ADAMTSL1: variants seen among roughly 807,000 people sequenced by gnomAD.
ADAMTSL1 encodes ADAMTS like 1, also known as ADAMTS-like protein 1.
A neutral mutation model predicts 201.8 loss-of-function variants in ADAMTSL1; 126 were observed. That is an observed-to-expected ratio of 0.62 (90% confidence interval 0.54 to 0.72). The LOEUF (loss-of-function observed/expected upper bound fraction) is 0.72, where lower values mean the gene tolerates loss of function less well. Ranked by LOEUF, ADAMTSL1 falls within the 30% of genes least tolerant of loss-of-function variation. The pLI, the probability that ADAMTSL1 is intolerant of heterozygous loss-of-function variation, is 0.00. For synonymous variants in ADAMTSL1, 1,121 were observed against 903.4 expected, an observed-to-expected ratio of 1.24 and a Z score of -4.32; for missense variants, 2,679 against 2,277.8, an observed-to-expected ratio of 1.18 and a Z score of -3.59.
intron 15 of ADAMTSL1, among the ~76,000 whole-genome samples, chr9:18,737,933 G>C (rs1231899835): frequency 6.6e-6 from 1 of 152,168 alleles, no homozygotes; most frequent in Non-Finnish European, 1.5e-5. Context: ...ACCACTTACT[G>C]TGTCCTTGAG....
intron 7 of ADAMTSL1, among the ~76,000 whole-genome samples, chr9:18,656,650 A>AAAAT (rs71506010): frequency 0.032 from 4,675 of 147,780 alleles, 96 homozygotes; most frequent in Middle Eastern, 0.08. Flanking sequence ...AAAAAAGAAA[A>AAAAT]TGTTAAGACT....
intron 1 of ADAMTSL1, among the ~76,000 whole-genome samples, chr9:18,120,498 C>A (rs1286433275): frequency 6.6e-6 from 1 of 152,154 alleles, no homozygotes; most frequent in Non-Finnish European, 1.5e-5. Flanking sequence ...ATGGAACTTT[C>A]TAAGCAGGGA....
intron 2 of ADAMTSL1, among the ~76,000 whole-genome samples, chr9:18,405,747 G>C (rs1818165320): frequency 6.6e-6 from 1 of 151,910 alleles, no homozygotes; most frequent in African/African-American, 2.4e-5. Context: ...AATATGTTAT[G>C]TTTAGATATA....
intron 2 of ADAMTSL1, among the ~76,000 whole-genome samples, chr9:18,369,387 T>A (rs925809496): frequency 3.3e-5 from 5 of 152,194 alleles, no homozygotes; most frequent in African/African-American, 1.2e-4. Context: ...GTGTTCAATA[T>A]CACTAATCAT....
rs1819757129 is a variant in ADAMTSL1, at chr9:18,756,204, A to T, written c.2217+2696A>T. Among the ~76,000 whole-genome samples, 3 of 131,448 alleles carry T rather than the reference A, an allele frequency of 2.3e-5. No individual in the cohort carries two copies. The Admixed American group carries it at 2.5e-4, about 11-fold the overall frequency. The allele number at this position is 131,448 out of a possible 152,430, so 86.2% of individuals were successfully genotyped here. On this transcript the variant is annotated intron_variant, in intron 16 of 28. Transcript: ENST00000380548. ...TGAAGCAGGAGAATCACTCATACTC[A>T]GGAGGCAGAGGTTGCAGTGAGCCGA...
intron 2 of ADAMTSL1, among the ~76,000 whole-genome samples, chr9:18,462,517 G>T (rs78795104): frequency 6.6e-6 from 1 of 152,134 alleles, no homozygotes; most frequent in Non-Finnish European, 1.5e-5. Flanking sequence ...TATGACCTTT[G>T]ATAAGTTCTG....
At chr9:18,452,005 G>A (rs1482853514) in intron 2 of ADAMTSL1, among the ~76,000 whole-genome samples, 4 of 152,172 alleles carry the variant, frequency 2.6e-5, no homozygotes, top group African/African-American at 9.7e-5. Context: ...CTGCCTCCCA[G>A]GTTCAAGCGA....
chr9:18,370,701 T>C (rs1205788858), intron 2 of ADAMTSL1, among the ~76,000 whole-genome samples: 4 of 152,090 alleles, frequency 2.6e-5, no homozygotes, highest in African/African-American at 9.6e-5. Flanking sequence ...CTTTTTTTTT[T>C]TTTTTTTTAA....
At chr9:18,447,842 T>C (rs943397350) in intron 2 of ADAMTSL1, among the ~76,000 whole-genome samples, 5 of 152,246 alleles carry the variant, frequency 3.3e-5, no homozygotes, top group African/African-American at 1.2e-4. Context: ...GCTCTTTGAA[T>C]GCAGAAGAGC....
chr9:18,352,147 T>C (rs1163189895), intron 2 of ADAMTSL1, among the ~76,000 whole-genome samples: 1 of 152,218 alleles, frequency 6.6e-6, no homozygotes. Flanking sequence ...CTGTAGCTTC[T>C]ATAGTGTTAT....
At chr9:18,091,896 A>G (rs759285275) in intron 1 of ADAMTSL1, among the ~76,000 whole-genome samples, 2 of 152,138 alleles carry the variant, frequency 1.3e-5, no homozygotes, top group Non-Finnish European at 2.9e-5. Context: ...AGTGAACGCT[A>G]GAGAGGCTGC....
At chr9:18,496,947 G>T (rs1321269943) in intron 1 of ADAMTSL1, among the ~76,000 whole-genome samples, 1 of 152,198 alleles carries the variant, frequency 6.6e-6, no homozygotes, top group African/African-American at 2.4e-5. Flanking sequence ...TTCACAAAAA[G>T]AGCAGAGAGA....
chr9:18,291,942 C>T (rs1375783116), intron 2 of ADAMTSL1, among the ~76,000 whole-genome samples: 3 of 152,098 alleles, frequency 2.0e-5, no homozygotes, highest in Non-Finnish European at 2.9e-5. Flanking sequence ...AACATCTCAT[C>T]AGCCATATTT....
chr9:18,389,295 G>T (rs535254910), intron 2 of ADAMTSL1, among the ~76,000 whole-genome samples: 5 of 151,562 alleles, frequency 3.3e-5, no homozygotes, highest in African/African-American at 1.2e-4. Flanking sequence ...ATTATTTCAA[G>T]AACTACTTTC....
chr9:18,436,118 G>C (rs938511519), intron 2 of ADAMTSL1, among the ~76,000 whole-genome samples: 1 of 152,204 alleles, frequency 6.6e-6, no homozygotes, highest in Admixed American at 6.5e-5. Context: ...GCACCCTGGA[G>C]GGTTTGCAGG....
In ADAMTSL1 at chr9:18,888,014, T is replaced by C. The variant is rs1389094632; in HGVS notation, c.4433T>C (p.Leu1478Pro). The change falls in exon 24 of 29, where the codon CTC becomes CCC. Residue 1478 changes from leucine to proline, a missense_variant. By Grantham distance (98) the Leu-to-Pro change is moderately conservative. Coordinates refer to ENST00000380548, the MANE Select transcript of ADAMTSL1 (RefSeq NM_001040272.6). Reference sequence around the variant, plus strand: ...CTTGCTCAGAATGAGGCAGGGGTGCTCATGCAGAAGGCATCTTTAGTGATC... The same window carrying C: ...CTTGCTCAGAATGAGGCAGGGGTGCCCATGCAGAAGGCATCTTTAGTGATC... ...SCLAQNEAGV[L>P]MQKASLVIQD... The C allele has an allele frequency of 6.2e-7, 1 of 1,613,544 alleles. No homozygotes were observed. The highest frequency in any genetic ancestry group is 8.5e-7 in the Non-Finnish European group (1 of 1,179,826).
intron 19 of ADAMTSL1, among the ~76,000 whole-genome samples, chr9:18,780,717 G>A (rs1821345669): frequency 2.0e-5 from 3 of 152,030 alleles, no homozygotes; most frequent in Non-Finnish European, 4.4e-5. Context: ...TAGGATTTGG[G>A]TTTTTTAATA....
intron 1 of ADAMTSL1, among the ~76,000 whole-genome samples, chr9:17,965,374 G>A (rs1033594337): frequency 2.0e-5 from 3 of 152,024 alleles, no homozygotes; most frequent in Non-Finnish European, 4.4e-5. Context: ...ATTAAATACT[G>A]ATGAATTATT....
intron 2 of ADAMTSL1, among the ~76,000 whole-genome samples, chr9:18,208,176 CTAT>C (rs1829732327): frequency 6.6e-6 from 1 of 151,946 alleles, no homozygotes; most frequent in Non-Finnish European, 1.5e-5. Context: ...GTGGCAGCTG[CTAT>C]TATTTACAAT....
Sources: gnomAD v4.1 joint callset for allele counts (sites outside exome capture counted in the v4.1 genomes callset) on GRCh38, gnomAD v4.1.1 for gene constraint, MANE v1.5 for transcripts, NCBI Gene and HGNC (gene_info 2026-07-23, HGNC 2026-07-21) for gene names.